Variants in OXR1 observed in about 807,000 individuals in gnomAD.
The protein encoded by OXR1 is oxidation resistance protein 1.
A neutral mutation model predicts 104.6 loss-of-function variants in OXR1; 41 were observed. The observed-to-expected ratio is 0.39, with a 90% CI of 0.31 to 0.51. The LOEUF (loss-of-function observed/expected upper bound fraction) is 0.51, where lower values mean the gene tolerates loss of function less well. Ranked by LOEUF, OXR1 falls within the 20% of genes least tolerant of loss-of-function variation. The pLI is 0.77. For synonymous variants in OXR1, 348 were observed against 348.4 expected, an observed-to-expected ratio of 1.00 and a Z score of 0.01; for missense variants, 955 against 1,031.9, an observed-to-expected ratio of 0.93 and a Z score of 1.02.
intron 3 of OXR1, among the ~76,000 whole-genome samples, chr8:106,612,809 T>C (rs1005762617): frequency 6.6e-6 from 1 of 152,162 alleles, no homozygotes; most frequent in African/African-American, 2.4e-5. Flanking sequence ...ATACTTTAAT[T>C]CTCACACAGC....
chr8:106,676,456 C>G (rs1827603634), intron 3 of OXR1, among the ~76,000 whole-genome samples: 1 of 152,068 alleles, frequency 6.6e-6, no homozygotes, highest in South Asian at 2.1e-4. Flanking sequence ...TCTTTCCTTT[C>G]CATATTTTAG....
intron 3 of OXR1, among the ~76,000 whole-genome samples, chr8:106,636,590 C>T (rs1563659168): frequency 1.3e-5 from 2 of 152,156 alleles, no homozygotes; most frequent in African/African-American, 4.8e-5. Flanking sequence ...GTCAGTGGGA[C>T]AGCAAAAATT....
At chr8:106,463,267 G>A (rs985108825) in intron 2 of OXR1, among the ~76,000 whole-genome samples, 1 of 152,112 alleles carries the variant, frequency 6.6e-6, no homozygotes, top group African/African-American at 2.4e-5. Context: ...TCTAAGTGGA[G>A]TTAGGAAGAG....
In OXR1 at chr8:106,359,584, C is replaced by T. The variant is rs1325691551; in HGVS notation, c.-30C>T. On this transcript the variant is annotated 5_prime_UTR_variant, in exon 2 of 17. Coordinates refer to ENST00000517566, the MANE Select transcript of OXR1 (RefSeq NM_001198533.2). ...ACCTGCTAATTTCCTGTTCTGGAAT[C>T]GAGAGAAGACTCCTCAACAAGTTGC... is the stretch of plus-strand genomic sequence containing the variant. 26 of 1,541,056 alleles carry T rather than the reference C, an allele frequency of 1.7e-5. No individual in the cohort carries two copies. Among genetic ancestry groups the T allele is most frequent in the East Asian group, 7.3e-5 (3 of 40,866 alleles).
At chr8:106,541,082 A>T (rs1814919691) in intron 3 of OXR1, among the ~76,000 whole-genome samples, 1 of 152,230 alleles carries the variant, frequency 6.6e-6, no homozygotes. Context: ...CTCATTTTCT[A>T]CATCAGTAAA....
chr8:106,726,004 A>T, intron 11 of OXR1: 1 of 475,570 alleles, frequency 2.1e-6, no homozygotes, highest in Non-Finnish European at 3.5e-6. Flanking sequence ...AACCAAACTT[A>T]AGCATGGGAA....
chr8:106,553,249 G>A (rs1354380429), intron 3 of OXR1, among the ~76,000 whole-genome samples: 1 of 148,540 alleles, frequency 6.7e-6, no homozygotes. Flanking sequence ...TCATACTGTG[G>A]AAAAAAATAA....
At position 106,455,360 on chromosome 8, in the gene OXR1, A is replaced by T. The variant is rs73309246; in HGVS notation, c.24-63583A>T. ...TATATCTTCACAATTTTTACACTAA[A>T]ATCATCCCAGAGACCGGAACCTAAA... On this transcript the variant is annotated intron_variant, in intron 2 of 16. Transcript: ENST00000517566. Among the ~76,000 whole-genome samples the T allele has an allele frequency of 4.8e-3, 725 of 152,324 alleles. 6 individuals are homozygous for T. Among genetic ancestry groups the T allele is most frequent in the African/African-American group, 0.017 (694 of 41,576 alleles).
chr8:106,420,667 G>A (rs919256223), intron 2 of OXR1, among the ~76,000 whole-genome samples: 2 of 151,062 alleles, frequency 1.3e-5, no homozygotes, highest in Admixed American at 6.6e-5. Flanking sequence ...ACCAGTTAAG[G>A]TATTAATATT....
intron 1 of OXR1, among the ~76,000 whole-genome samples, chr8:106,283,682 G>A (rs1474014783): frequency 6.6e-6 from 1 of 152,154 alleles, no homozygotes; most frequent in Non-Finnish European, 1.5e-5. Flanking sequence ...TTTACAATTA[G>A]ATACATACCC....
At chr8:106,667,250 T>G (rs186230732) in intron 3 of OXR1, among the ~76,000 whole-genome samples, 1 of 152,332 alleles carries the variant, frequency 6.6e-6, no homozygotes, top group African/African-American at 2.4e-5. Flanking sequence ...TCTTACGGAA[T>G]TCTAATATGT....
intron 6 of OXR1, among the ~76,000 whole-genome samples, chr8:106,690,095 CTT>C (rs922277488): frequency 6.6e-5 from 10 of 150,624 alleles, no homozygotes; most frequent in African/African-American, 2.2e-4. Flanking sequence ...TGTTTTATCT[CTT>C]TTATAGAATA....
At position 106,684,368 on chromosome 8, in the gene OXR1, C is replaced by G. The variant is rs752009772; in HGVS notation, c.525+9C>G. 7.5e-7 allele frequency: 1 copy of G among 1,326,836 alleles called. No homozygotes were observed. The highest frequency in any genetic ancestry group is 1.7e-5 in the Admixed American group (1 of 58,758). 82.2% of individuals were successfully genotyped at this position (1,326,836 alleles called of 1,614,324 possible). ...AATTTGATAAGACCACTGTAAGTAT[C>G]TCTGCTTTGCAAAGATGGCGATGAA... On this transcript the variant is annotated intron_variant, in intron 6 of 16. Transcript: ENST00000517566.
chr8:106,539,232 A>AT (rs1814772371), intron 3 of OXR1, among the ~76,000 whole-genome samples: 1 of 152,256 alleles, frequency 6.6e-6, no homozygotes, highest in Non-Finnish European at 1.5e-5. Flanking sequence ...AAAATAAGTA[A>AT]TTGATAAGCC....
chr8:106,706,095 C>T (rs949975641), intron 8 of OXR1, among the ~76,000 whole-genome samples: 8 of 151,988 alleles, frequency 5.3e-5, no homozygotes, highest in Non-Finnish European at 8.8e-5. Context: ...CATCAAGTTC[C>T]CTTCAAGTGG....
chr8:106,348,535 T>C (rs1159881568), intron 1 of OXR1, among the ~76,000 whole-genome samples: 1 of 152,160 alleles, frequency 6.6e-6, no homozygotes, highest in African/African-American at 2.4e-5. Flanking sequence ...TTTGGCAATC[T>C]TTTTTATTGG....
rs542053494 is a variant in OXR1, at chr8:106,672,403, C to T, written c.221-6807C>T. ...TCAGGAGGCGAAGGCAGGAGAATTG[C>T]TTCAACCTGGGAGGTTGGGGTTGCA... On this transcript the variant is annotated intron_variant, in intron 3 of 16. Coordinates refer to ENST00000517566, the MANE Select transcript of OXR1 (RefSeq NM_001198533.2). Among the ~76,000 whole-genome samples, 65 of 151,696 alleles carry T rather than the reference C, an allele frequency of 4.3e-4. 1 individual carries two copies. Among genetic ancestry groups the T allele is most frequent in the Non-Finnish European group, 7.4e-5 (5 of 67,976 alleles).
intron 2 of OXR1, among the ~76,000 whole-genome samples, chr8:106,487,935 C>T (rs1810801496): frequency 1.3e-5 from 2 of 151,288 alleles, no homozygotes; most frequent in South Asian, 2.1e-4. Flanking sequence ...TGGGTATATA[C>T]CCAGTAATGG....
intron 2 of OXR1, among the ~76,000 whole-genome samples, chr8:106,468,972 CT>C (rs1361790838): frequency 6.6e-6 from 1 of 151,088 alleles, no homozygotes; most frequent in Non-Finnish European, 1.5e-5. Flanking sequence ...AGAATACTTA[CT>C]CATCCTGAAG....
Sources: allele counts gnomAD v4.1 joint callset (sites outside exome capture counted in the v4.1 genomes callset), GRCh38; gene constraint gnomAD v4.1.1; transcripts MANE v1.5; gene names NCBI Gene and HGNC (gene_info 2026-07-23, HGNC 2026-07-21).